ARPC4: variants seen among roughly 807,000 people sequenced by gnomAD.
ARPC4 encodes the protein actin-related protein 2/3 complex subunit 4.
Under a neutral mutation model 22.8 loss-of-function variants are expected in ARPC4, and 3 were observed. The observed-to-expected ratio is 0.13, with a 90% CI of 0.06 to 0.34. The LOEUF (loss-of-function observed/expected upper bound fraction) is 0.34. ARPC4 is among the 10% of genes least tolerant of loss of function. ARPC4 has a pLI of 1.00. For synonymous variants in ARPC4, 80 were observed against 72.5 expected (o/e 1.10, Z -0.52); for missense variants, 98 against 211.0 (o/e 0.46, Z 3.32).
At position 9,797,752 on chromosome 3, in the gene ARPC4, C is replaced by T; in HGVS notation, c.97C>T (p.His33Tyr). The part of the protein sequence containing the change: ...ENFSSQVVER[H>Y]NKPEVEVRSS... Reference sequence around the variant, plus strand: ...CTTCTCCTCCCAGGTTGTGGAACGACACAACAAGCCGGAAGTGGAAGTCAG... The same window carrying T: ...CTTCTCCTCCCAGGTTGTGGAACGATACAACAAGCCGGAAGTGGAAGTCAG... The change falls in exon 2 of 6, where the codon CAC (histidine) becomes TAC (tyrosine). Residue 33 changes from histidine to tyrosine, a missense_variant. Transcript: ENST00000397261. 1 of 1,614,086 alleles carries T rather than the reference C, an allele frequency of 6.2e-7. No homozygotes were observed. Among genetic ancestry groups the T allele is most frequent in the Non-Finnish European group, 8.5e-7 (1 of 1,180,038 alleles).
chr3:9,804,840 C>T (rs1161721186), intron 5 of ARPC4, among the ~76,000 whole-genome samples: 1 of 152,182 alleles, frequency 6.6e-6, no homozygotes, highest in Non-Finnish European at 1.5e-5. Context: ...GTGGTGGGTG[C>T]ACAGGTCGGC....
At chr3:9,803,745 C>T (rs1265706870) in intron 4 of ARPC4, 98 bp from the exon 5 acceptor site, 19 of 1,278,452 alleles carry the variant, frequency 1.5e-5, no homozygotes, top group Non-Finnish European at 2.1e-5. Flanking sequence ...CAGTGGGAAG[C>T]ATGTGGATGA....
intron 4 of ARPC4, among the ~76,000 whole-genome samples, chr3:9,803,066 G>C (rs941050856): frequency 6.6e-6 from 1 of 151,882 alleles, no homozygotes; most frequent in Non-Finnish European, 1.5e-5. Flanking sequence ...TGTATTTTTA[G>C]TAGAGACGGG....
At chr3:9,806,187 C>G in intron 5 of ARPC4, 23 bp from the exon 6 acceptor site, 1 of 1,613,650 alleles carries the variant, frequency 6.2e-7, no homozygotes, top group Non-Finnish European at 8.5e-7. Context: ...CCACCATGCA[C>G]TGCCTCTTGG....
At chr3:9,792,697 G>C (rs1313337980), upstream of ARPC4, 3 of 1,233,638 alleles carry the variant, frequency 2.4e-6, no homozygotes, top group East Asian at 9.5e-5. Context: ...CGAGCGCCAG[G>C]AGCTGCGGGT....
chr3:9,801,665 A>G lies in ARPC4; in HGVS notation c.239A>G (p.Asp80Gly). The change falls in exon 4 of 6, where the codon GAT becomes GGT. Residue 80 changes from aspartate (D) to glycine (G), a missense_variant. Transcript: ENST00000397261. ...VRVSIAVKQA[D>G]EIEKILCHKF... ...TTTCTCTCTTGCACTCCCCAGGCTG[A>G]TGAGATCGAGAAGATTTTGTGCCAC... 6.2e-7 allele frequency: 1 copy of G among 1,607,180 alleles called. No individual in the cohort carries two copies. Among genetic ancestry groups the G allele is most frequent in the South Asian group, 1.1e-5 (1 of 89,960 alleles).
At chr3:9,805,980 T>C (rs1047987411) in intron 5 of ARPC4, among the ~76,000 whole-genome samples, 2 of 152,248 alleles carry the variant, frequency 1.3e-5, no homozygotes, top group African/African-American at 4.8e-5. Flanking sequence ...GAAGCTCTCA[T>C]GGCTCTTAAT....
At chr3:9,793,148 A>C (rs1006660538) in intron 1 of ARPC4, 24 bp downstream of exon 1, 1 of 1,539,280 alleles carries the variant, frequency 6.5e-7, no homozygotes, top group Non-Finnish European at 8.8e-7. Context: ...GCCCCCGGCC[A>C]GGGACCCCCG....
rs771008114 is a variant in ARPC4 at position 9,797,713 on chromosome 3, C to G, written c.58C>G (p.Leu20Val). 4 of 1,614,208 alleles carry G rather than the reference C, an allele frequency of 2.5e-6. No homozygotes were observed. The Admixed American group carries it at 5.0e-5, about 20-fold the overall frequency. The change falls in exon 2 of 6, where the codon CTC becomes GTC. Residue 20 changes from leucine to valine, a missense_variant. By Grantham distance (32) the Leu-to-Val change is conservative. Coordinates refer to ENST00000397261, the MANE Select transcript of ARPC4 (RefSeq NM_005718.5). ...SAVRATLQAALCLENFSSQVV... is the reference protein window; with the variant it reads ...SAVRATLQAAVCLENFSSQVV... ...CGTGCGGGCCACATTGCAGGCTGCC[C>G]TCTGCCTGGAGAACTTCTCCTCCCA...
intron 1 of ARPC4, 172 bp downstream of exon 1, chr3:9,793,296 G>A: frequency 8.1e-7 from 1 of 1,241,922 alleles, no homozygotes; most frequent in Non-Finnish European, 1.1e-6. Flanking sequence ...AGGTGAGGAA[G>A]GGGCGAGTGG....
At chr3:9,802,820 C>A (rs527778171) in intron 4 of ARPC4, among the ~76,000 whole-genome samples, 5 of 152,034 alleles carry the variant, frequency 3.3e-5, no homozygotes, top group African/African-American at 9.7e-5. Context: ...ATTATAGGCA[C>A]GCATGTGCTA....
intron 3 of ARPC4, 65 bp downstream of exon 3, chr3:9,800,361 C>T (rs886182823): frequency 5.9e-6 from 9 of 1,522,248 alleles, no homozygotes; most frequent in Admixed American, 1.8e-5. Context: ...TCTTTCAGTC[C>T]GGGGTCCCCA....
intron 1 of ARPC4, among the ~76,000 whole-genome samples, chr3:9,796,352 C>G (rs1442215697): frequency 1.3e-5 from 2 of 152,214 alleles, no homozygotes; most frequent in Non-Finnish European, 2.9e-5. Context: ...AGAGATCGTG[C>G]CACTGCACTC....
At chr3:9,804,668 C>T (rs968769684) in intron 5 of ARPC4, among the ~76,000 whole-genome samples, 2 of 152,106 alleles carry the variant, frequency 1.3e-5, no homozygotes, top group Admixed American at 6.6e-5. Flanking sequence ...TTGACATGTG[C>T]CACCCAGAGT....
In ARPC4 at chr3:9,801,672, C is replaced by G; in HGVS notation, c.246C>G (p.Ile82Met). 3 of 1,608,162 alleles carry G rather than the reference C, an allele frequency of 1.9e-6. No individual in the cohort carries two copies. Among genetic ancestry groups the G allele is most frequent in the Non-Finnish European group, 2.5e-6 (3 of 1,176,642 alleles). The change falls in exon 4 of 6, where the codon ATC becomes ATG. Residue 82 changes from isoleucine (I) to methionine (M), a missense_variant. Ile to Met is a conservative substitution (Grantham distance 10). Transcript: ENST00000397261. ...VSIAVKQADE[I>M]EKILCHKFMR... is the part of the protein sequence containing the mutation. ...CTTGCACTCCCCAGGCTGATGAGAT[C>G]GAGAAGATTTTGTGCCACAAGTTCA...
At chr3:9,803,399 A>T (rs2079052711) in intron 4 of ARPC4, 1 of 422,048 alleles carries the variant, frequency 2.4e-6, no homozygotes. Context: ...CTGGTCCTAG[A>T]TCTAACCTCT....
Position 9,800,182 on chromosome 3 carries a change from C to T in ARPC4, c.123-3C>T. On this transcript the variant is annotated splice_region_variant and splice_polypyrimidine_tract_variant and intron_variant, in intron 2 of 5. Coordinates refer to ENST00000397261, the MANE Select transcript of ARPC4 (RefSeq NM_005718.5). Reference sequence around the variant, plus strand: ...CAAGTACTCTGTCACATTATGTTTTCAGGAGTAGCAAAGAGCTCCTGTTAC... The same window carrying T: ...CAAGTACTCTGTCACATTATGTTTTTAGGAGTAGCAAAGAGCTCCTGTTAC... The T allele has an allele frequency of 6.2e-7, 1 of 1,613,894 alleles. No individual in the cohort carries two copies. Among genetic ancestry groups the T allele is most frequent in the Non-Finnish European group, 8.5e-7 (1 of 1,179,912 alleles).
At chr3:9,793,182 G>C in intron 1 of ARPC4, 58 bp downstream of exon 1, 1 of 1,522,922 alleles carries the variant, frequency 6.6e-7, no homozygotes, top group South Asian at 1.2e-5. Context: ...AGGGCAGTGG[G>C]TCGGTGGGAG....
chr3:9,796,335 C>T (rs1464417294), intron 1 of ARPC4, among the ~76,000 whole-genome samples: 2 of 151,974 alleles, frequency 1.3e-5, no homozygotes, highest in Non-Finnish European at 2.9e-5. Context: ...CGGCGATTGC[C>T]GTGAGCAGAG....
Sources: allele counts gnomAD v4.1 joint callset (sites outside exome capture counted in the v4.1 genomes callset), GRCh38; gene constraint gnomAD v4.1.1; transcripts MANE v1.5; gene names NCBI Gene and HGNC (gene_info 2026-07-23, HGNC 2026-07-21).